GALR2: variants seen among roughly 807,000 people sequenced by gnomAD.
GALR2 encodes the protein galanin receptor type 2.
In GALR2, 5 loss-of-function variants were observed where a neutral mutation model predicts 7.2. The observed-to-expected ratio is 0.69, with a 90% CI of 0.36 to 1.45. The LOEUF (loss-of-function observed/expected upper bound fraction) is 1.45, where lower values mean the gene tolerates loss of function less well. GALR2 is among the 40% of genes most tolerant of loss of function. The pLI is 0.03. For missense variants in GALR2, 561 were observed against 555.7 expected (o/e 1.01, Z -0.10); for synonymous variants, 300 against 263.9 (o/e 1.14, Z -1.32).
rs2066879756 is a variant in GALR2, at chr17:76,074,861, G to A, written c.-23G>A. ...GACCCAGACGGCTGCAGGAGCCCGGGCAGCCTCGGGGTCAGCGGCACCATG... is the reference window on the plus strand; with the variant it reads ...GACCCAGACGGCTGCAGGAGCCCGGACAGCCTCGGGGTCAGCGGCACCATG... On this transcript the variant is annotated 5_prime_UTR_variant, in exon 1 of 2. Coordinates refer to ENST00000329003, the MANE Select transcript of GALR2 (RefSeq NM_003857.4). The surrounding 1 kb of genome is among the most constrained non-coding windows in gnomAD (Gnocchi z 6.7). The A allele has an allele frequency of 6.8e-7, 1 of 1,473,930 alleles. No individual in the cohort carries two copies. The highest frequency in any genetic ancestry group is 9.0e-7 in the Non-Finnish European group (1 of 1,117,112). 91.3% of individuals were successfully genotyped at this position (1,473,930 alleles called of 1,614,324 possible).
At chr17:76,074,512 A>T (rs1362028089), upstream of GALR2, among the ~76,000 whole-genome samples, 1 of 152,002 alleles carries the variant, frequency 6.6e-6, no homozygotes, top group Non-Finnish European at 1.5e-5. The surrounding 1 kb of genome is among the most constrained non-coding windows in gnomAD (Gnocchi z 6.7). Flanking sequence ...CGACCCCTCC[A>T]CCGCTCCGGC....
Position 76,077,050 on chromosome 17 carries a change from C to T in GALR2, c.783C>T (p.Phe261=). The T allele has an allele frequency of 6.2e-7, 1 of 1,613,008 alleles. No individual in the cohort carries two copies. Among genetic ancestry groups the T allele is most frequent in the Non-Finnish European group, 8.5e-7 (1 of 1,179,918 alleles). Residue 261 remains phenylalanine (F), a synonymous_variant, in exon 2 of 2, where the codon TTC becomes TTT. Transcript: ENST00000329003. The part of the protein sequence containing the change: ...PHHALILCVW[F]GQFPLTRATY... ...ACGCGCTCATCCTCTGCGTGTGGTTCGGCCAGTTCCCGCTCACGCGCGCCA... is the reference window on the plus strand; with the variant it reads ...ACGCGCTCATCCTCTGCGTGTGGTTTGGCCAGTTCCCGCTCACGCGCGCCA...
chr17:76,077,390 C>G lies in GALR2; in HGVS notation c.1123C>G (p.Pro375Ala). Reference protein sequence around the residue: ...EPCPGPSWQGPKAGDSILTVD... With the variant: ...EPCPGPSWQGAKAGDSILTVD... Reference sequence around the variant, plus strand: ...CTGTCCTGGCCCGTCCTGGCAGGGCCCAAAGGCAGGCGACAGCATCCTGAC... The same window carrying G: ...CTGTCCTGGCCCGTCCTGGCAGGGCGCAAAGGCAGGCGACAGCATCCTGAC... Residue 375 changes from proline (P) to alanine (A), a missense_variant, in exon 2 of 2, where the codon CCA (proline) becomes GCA (alanine). Coordinates refer to ENST00000329003, the MANE Select transcript of GALR2 (RefSeq NM_003857.4). The G allele has an allele frequency of 6.8e-7, 1 of 1,472,340 alleles. No individual in the cohort carries two copies. The highest frequency in any genetic ancestry group is 8.9e-7 in the Non-Finnish European group (1 of 1,118,676). The allele number at this position is 1,472,340 out of a possible 1,614,324, so 91.2% of individuals were successfully genotyped here. A position where few individuals can be genotyped will look rare whatever the true frequency, so the allele number is the denominator to read the frequency against.
In GALR2 at chr17:76,076,308, A is replaced by G. The variant is rs1306247237; in HGVS notation, c.369-328A>G. 6.6e-6 allele frequency among the ~76,000 whole-genome samples: 1 copy of G among 152,104 alleles called. No homozygotes were observed. The highest frequency in any genetic ancestry group is 1.5e-5 in the Non-Finnish European group (1 of 68,016). On this transcript the variant is annotated intron_variant, in intron 1 of 1. Transcript: ENST00000329003. The surrounding 1 kb of genome is among the most constrained non-coding windows in gnomAD (Gnocchi z 6.5). Reference sequence around the variant, plus strand: ...CCCGGAGCCCATAGCCGGTTCTCCAACCTTTAGTCTTCAGTGGCTTTGGGG... The same window carrying G: ...CCCGGAGCCCATAGCCGGTTCTCCAGCCTTTAGTCTTCAGTGGCTTTGGGG...
In GALR2 at chr17:76,076,747, C is replaced by G. The variant is rs1307896349; in HGVS notation, c.480C>G (p.Tyr160Ter). 2 of 1,605,506 alleles carry G rather than the reference C, an allele frequency of 1.2e-6. No individual in the cohort carries two copies. Among genetic ancestry groups the G allele is most frequent in the African/African-American group, 1.3e-5 (1 of 74,934 alleles). Residue 160 changes from tyrosine (Y) to a stop codon, truncating the protein, a stop_gained, in exon 2 of 2, where the codon TAC (tyrosine) becomes TAG (stop). Transcript: ENST00000329003. LOFTEE classifies it low-confidence loss of function (END_TRUNC). The surrounding 1 kb of genome is among the most constrained non-coding windows in gnomAD (Gnocchi z 6.5). ...WGLSLLFSGP[Y>*]LSYYRQSQLA... ...TGTCGCTGCTCTTCTCCGGGCCCTA[C>G]CTGAGCTACTACCGCCAGTCGCAGC...
upstream of GALR2, chr17:76,072,746 TC>T: frequency 1.6e-6 from 1 of 613,446 alleles, no homozygotes; most frequent in Non-Finnish European, 2.7e-6. This position sits in a 1 kb window ranked among gnomAD's most constrained non-coding sequence, Gnocchi z 4.5. Context: ...CAGGGGGCAG[TC>T]CCACCTCCCA....
chr17:76,077,238 C>T lies in GALR2; in HGVS notation c.971C>T (p.Ala324Val), dbSNP rs566999194. Reference sequence around the variant, plus strand: ...GGCCGAGCCTCGGGCCGTGTGTGCGCTGCCGCGCGGGGCACCCACAGTGGC... The same window carrying T: ...GGCCGAGCCTCGGGCCGTGTGTGCGTTGCCGCGCGGGGCACCCACAGTGGC... The part of the protein sequence containing the change: ...APGRASGRVC[A>V]AARGTHSGSV... Residue 324 changes from alanine (A) to valine (V), a missense_variant, in exon 2 of 2, where the codon GCT (alanine) becomes GTT (valine). Physicochemically the swap from Ala to Val is moderately conservative, Grantham distance 64. Transcript: ENST00000329003. The T allele has an allele frequency of 2.5e-4, 407 of 1,605,706 alleles. No homozygotes were observed. Among genetic ancestry groups the T allele is most frequent in the Non-Finnish European group, 3.3e-4 (385 of 1,177,224 alleles).
chr17:76,072,543 G>A, upstream of GALR2: 4 of 1,551,884 alleles, frequency 2.6e-6, no homozygotes, highest in South Asian at 1.2e-5. This position sits in a 1 kb window ranked among gnomAD's most constrained non-coding sequence, Gnocchi z 4.5. Flanking sequence ...GGACGACCTG[G>A]GCGGGTGAGA....
upstream of GALR2, chr17:76,072,530 G>A (rs2066865481): frequency 6.4e-7 from 1 of 1,560,868 alleles, no homozygotes; most frequent in Middle Eastern, 2.3e-4. The surrounding 1 kb of genome is among the most constrained non-coding windows in gnomAD (Gnocchi z 4.5). Context: ...GATAGGGGAG[G>A]CGGGACGACC....
At chr17:76,072,665 T>C, upstream of GALR2, 1 of 1,312,550 alleles carries the variant, frequency 7.6e-7, no homozygotes, top group Non-Finnish European at 1.0e-6. The surrounding 1 kb of genome is among the most constrained non-coding windows in gnomAD (Gnocchi z 4.5). Flanking sequence ...GATCCTGTCA[T>C]CCCGGGTCCG....
upstream of GALR2, chr17:76,072,223 T>G: frequency 3.8e-6 from 6 of 1,594,898 alleles, no homozygotes; most frequent in South Asian, 6.8e-5. This position sits in a 1 kb window ranked among gnomAD's most constrained non-coding sequence, Gnocchi z 4.5. Context: ...TGCCAGGACT[T>G]GTCGGGACCC....
At chr17:76,074,602 G>C (rs1174018969), upstream of GALR2, among the ~76,000 whole-genome samples, 1 of 152,202 alleles carries the variant, frequency 6.6e-6, no homozygotes, top group East Asian at 1.9e-4. The surrounding 1 kb of genome is among the most constrained non-coding windows in gnomAD (Gnocchi z 6.7). Flanking sequence ...AGGTACAAGC[G>C]CCACTCTCCG....
Position 76,076,355 on chromosome 17 carries a change from G to A in GALR2, c.369-281G>A, listed in dbSNP as rs778825327. Among the ~76,000 whole-genome samples the A allele has an allele frequency of 6.6e-6, 1 of 152,200 alleles. No homozygotes were observed. The highest frequency in any genetic ancestry group is 1.5e-5 in the Non-Finnish European group (1 of 68,042). On this transcript the variant is annotated intron_variant, in intron 1 of 1. Transcript: ENST00000329003. This position sits in a 1 kb window ranked among gnomAD's most constrained non-coding sequence, Gnocchi z 6.5. ...GGGGTGCCCTCTCAGTGGAGACTGTGGTTGCAGTCCCCGGGGGCAGCGGGA... is the reference window on the plus strand; with the variant it reads ...GGGGTGCCCTCTCAGTGGAGACTGTAGTTGCAGTCCCCGGGGGCAGCGGGA...
rs1047817005 is a variant in GALR2, at chr17:76,076,497, C to T, written c.369-139C>T. On this transcript the variant is annotated intron_variant, in intron 1 of 1. Transcript: ENST00000329003. This position sits in a 1 kb window ranked among gnomAD's most constrained non-coding sequence, Gnocchi z 6.5. ...TCCGCCCTCACGCCGAGCCTCACCC[C>T]CACCTCCTCTGTGTGCGGTGTAACC... The T allele has an allele frequency of 5.3e-5, 32 of 604,506 alleles. No individual in the cohort carries two copies. The highest frequency in any genetic ancestry group is 2.3e-4 in the African/African-American group (12 of 53,200). The allele number at this position is 604,506 out of a possible 1,614,324, so 37.4% of individuals were successfully genotyped here.
In GALR2 at chr17:76,076,806, G is replaced by A. The variant is rs1223081438; in HGVS notation, c.539G>A (p.Ser180Asn). ...ANLTVCHPAW[S>N]APRRRAMDIC... ...CTGACCGTGTGCCATCCCGCGTGGA[G>A]CGCCCCTCGCCGCCGCGCCATGGAC... The change falls in exon 2 of 2, where the codon AGC becomes AAC. Residue 180 changes from serine to asparagine, a missense_variant. Ser to Asn is a conservative substitution (Grantham distance 46, BLOSUM62 1). Coordinates refer to ENST00000329003, the MANE Select transcript of GALR2 (RefSeq NM_003857.4). The surrounding 1 kb of genome is among the most constrained non-coding windows in gnomAD (Gnocchi z 6.5). 1.2e-6 allele frequency: 2 copies of A among 1,605,528 alleles called. No homozygotes were observed. The highest frequency in any genetic ancestry group is 1.7e-6 in the Non-Finnish European group (2 of 1,179,784).
At chr17:76,074,131 G>C (rs1192112963), upstream of GALR2, among the ~76,000 whole-genome samples, 1 of 152,102 alleles carries the variant, frequency 6.6e-6, no homozygotes, top group African/African-American at 2.4e-5. This position sits in a 1 kb window ranked among gnomAD's most constrained non-coding sequence, Gnocchi z 6.7. Flanking sequence ...GGGCGACAGA[G>C]TGAGACTCTG....
rs534747980 is a variant in GALR2, at chr17:76,076,839, C to T, written c.572C>T (p.Thr191Ile). ...CGCCGCCGCGCCATGGACATCTGCA[C>T]CTTCGTCTTCAGCTACCTGCTTCCT... ...APRRRAMDIC[T>I]FVFSYLLPVL... Residue 191 changes from threonine to isoleucine, a missense_variant, in exon 2 of 2, where the codon ACC becomes ATC. By Grantham distance (89) the Thr-to-Ile change is moderately conservative (BLOSUM62 -1). Coordinates refer to ENST00000329003, the MANE Select transcript of GALR2 (RefSeq NM_003857.4). This position sits in a 1 kb window ranked among gnomAD's most constrained non-coding sequence, Gnocchi z 6.5. 2.5e-6 allele frequency: 4 copies of T among 1,605,270 alleles called. No individual in the cohort carries two copies. The African/African-American group carries it at 4.0e-5, about 16-fold the overall frequency.
Position 76,077,078 on chromosome 17 carries a change from T to G in GALR2, c.811T>G (p.Tyr271Asp). The G allele has an allele frequency of 6.2e-7, 1 of 1,613,072 alleles. No homozygotes were observed. The highest frequency in any genetic ancestry group is 8.5e-7 in the Non-Finnish European group (1 of 1,179,898). The part of the protein sequence containing the change: ...FGQFPLTRAT[Y>D]ALRILSHLVS... ...CCAGTTCCCGCTCACGCGCGCCACT[T>G]ATGCGCTTCGCATCCTCTCGCACCT... is the stretch of plus-strand genomic sequence containing the variant. Residue 271 changes from tyrosine to aspartate, a missense_variant, in exon 2 of 2, where the codon TAT becomes GAT. Tyr to Asp is a radical substitution (Grantham distance 160). Coordinates refer to ENST00000329003, the MANE Select transcript of GALR2 (RefSeq NM_003857.4).
upstream of GALR2, chr17:76,074,645 C>G: frequency 1.8e-6 from 1 of 546,290 alleles, no homozygotes; most frequent in Non-Finnish European, 3.2e-6. The surrounding 1 kb of genome is among the most constrained non-coding windows in gnomAD (Gnocchi z 6.7). Context: ...GGGACCACTC[C>G]GCAGCCCTTC....
Sources: allele counts gnomAD v4.1 joint callset (sites outside exome capture counted in the v4.1 genomes callset), GRCh38; gene constraint gnomAD v4.1.1; non-coding constraint Gnocchi (gnomAD v3.1); transcripts MANE v1.5; gene names NCBI Gene and HGNC (gene_info 2026-07-23, HGNC 2026-07-21).